The following PCSK7 variants were observed in gnomAD, a reference collection of about 807,000 sequenced individuals.
The protein encoded by PCSK7 is lymphoma proprotein convertase.
In PCSK7, 38 loss-of-function variants were observed where a neutral mutation model predicts 73.3. The observed-to-expected ratio is 0.52, with a 90% CI of 0.40 to 0.68. PCSK7 has a LOEUF of 0.68. Among genes scored for constraint, PCSK7 ranks in the 30% least tolerant of loss-of-function variants. The probability of loss-of-function intolerance (pLI) is 0.00; values close to 1 mark genes in which losing one functional copy is unlikely to be tolerated. For synonymous variants in PCSK7, 296 were observed against 383.8 expected, an observed-to-expected ratio of 0.77 and a Z score of 2.68; for missense variants, 692 against 991.5, an observed-to-expected ratio of 0.70 and a Z score of 4.06.
At chr11:117,219,779 G>A (rs375165525) in intron 9 of PCSK7, 21 bp from the exon 10 acceptor site, 2 of 1,561,250 alleles carry the variant, frequency 1.3e-6, no homozygotes, top group African/African-American at 1.4e-5. Flanking sequence ...AACAGGAAAA[G>A]GAAGTAGGTT....
rs757315784 is a variant in PCSK7 at position 117,228,194 on chromosome 11, G to C, written c.603+22C>G. On this transcript the variant is annotated intron_variant, in intron 4 of 16. Transcript: ENST00000320934. The stretch of plus-strand genomic sequence containing the variant: ...GGAGGTAAGACGTGGGGAGTGAGGG[G>C]TGTCGTTCCAGGGCCACTCACATAG... The C allele has an allele frequency of 1.9e-6, 3 of 1,610,592 alleles. No individual in the cohort carries two copies. The African/African-American group carries it at 4.0e-5, about 22-fold the overall frequency.
At chr11:117,227,382 G>T (rs1045116918) in intron 4 of PCSK7, 60 bp from the exon 5 acceptor site, 15 of 1,292,492 alleles carry the variant, frequency 1.2e-5, no homozygotes, top group Non-Finnish European at 1.7e-5. Flanking sequence ...CAGGTCCTGG[G>T]GTTCAGGGAC....
At position 117,224,114 on chromosome 11, in the gene PCSK7, C is replaced by T. The variant is rs775657882; in HGVS notation, c.1018G>A (p.Asp340Asn). The T allele has an allele frequency of 2.5e-6, 4 of 1,614,042 alleles. No individual in the cohort carries two copies. Among genetic ancestry groups the T allele is most frequent in the South Asian group, 1.1e-5 (1 of 91,082 alleles). ...GTGTAGATGGAGTTGGCGTAGCCAT[C>T]GTAGTTGCAGTTGTCGTTGTGTTGG... Reference protein sequence around the residue: ...GGQHNDNCNYDGYANSIYTVT... With the variant: ...GGQHNDNCNYNGYANSIYTVT... The change falls in exon 8 of 17, where the codon GAT (aspartate) becomes AAT (asparagine). Residue 340 changes from aspartate (D) to asparagine (N), a missense_variant. Asp to Asn is a conservative substitution (Grantham distance 23). Coordinates refer to ENST00000320934, the MANE Select transcript of PCSK7 (RefSeq NM_004716.4).
Position 117,204,476 on chromosome 11 carries a change from GCT to G in PCSK7, c.*1519_*1520del, listed in dbSNP as rs564987822. On this transcript the variant is annotated 3_prime_UTR_variant, in exon 17 of 17. Coordinates refer to ENST00000320934, the MANE Select transcript of PCSK7 (RefSeq NM_004716.4). Reference sequence around the variant, plus strand: ...CCTTCAGCCCTGGCCAAGCTTTGAGGCTCTGTCACTGAGCAATGGTAACTGCA... The same window carrying G: ...CCTTCAGCCCTGGCCAAGCTTTGAGGCTGTCACTGAGCAATGGTAACTGCA... The G allele has an allele frequency of 1.9e-4, 289 of 1,493,796 alleles. 1 individual carries two copies. In the African/African-American group the frequency reaches 3.6e-3, roughly 19 times the overall value. The allele number at this position is 1,493,796 out of a possible 1,614,324, so 92.5% of individuals were successfully genotyped here.
Position 117,205,653 on chromosome 11 carries a change from C to T in PCSK7, c.*344G>A. ...CGCTCCTGGCTATGGCAGGCACCTTCTCAACTTATATGTGGGAAGGGGTCC... is the reference window on the plus strand; with the variant it reads ...CGCTCCTGGCTATGGCAGGCACCTTTTCAACTTATATGTGGGAAGGGGTCC... On this transcript the variant is annotated 3_prime_UTR_variant, in exon 17 of 17. Transcript: ENST00000320934. The T allele has an allele frequency of 3.7e-6, 1 of 267,676 alleles. No homozygotes were observed. Among genetic ancestry groups the T allele is most frequent in the East Asian group, 5.6e-5 (1 of 17,758 alleles). 16.6% of individuals were successfully genotyped at this position (267,676 alleles called of 1,614,324 possible).
At chr11:117,212,238 T>C (rs1471865214) in intron 12 of PCSK7, 1 of 152,214 alleles carries the variant, frequency 6.6e-6, no homozygotes, top group African/African-American at 2.4e-5. Context: ...TTCGTGTTTC[T>C]AAACAGTAAG....
At chr11:117,207,443 T>C in intron 14 of PCSK7, 1 of 370,622 alleles carries the variant, frequency 2.7e-6, no homozygotes, top group Admixed American at 3.8e-5. Context: ...TTCCACCAAA[T>C]TAAAGAAAGC....
At chr11:117,210,073 G>A (rs2031652425) in intron 12 of PCSK7, 1 of 152,220 alleles carries the variant, frequency 6.6e-6, no homozygotes, top group Admixed American at 6.5e-5. Flanking sequence ...TGATACAATT[G>A]CATACAGCTA....
intron 3 of PCSK7, among the ~76,000 whole-genome samples, chr11:117,228,612 CTTTTTTTTT>C (rs751494008): frequency 1.5e-5 from 2 of 132,098 alleles, no homozygotes; most frequent in Non-Finnish European, 3.3e-5. Context: ...TGATACACTT[CTTTTTTTTT>C]TTTTTTTTTT....
Position 117,204,593 on chromosome 11 carries a change from C to A in PCSK7, c.*1404G>T. ...TTGGCCCCTCCCTCCCGGCTGCCCCCATCACCTCTACTGTCTCCTCCCTGG... is the reference window on the plus strand; with the variant it reads ...TTGGCCCCTCCCTCCCGGCTGCCCCAATCACCTCTACTGTCTCCTCCCTGG... On this transcript the variant is annotated 3_prime_UTR_variant, in exon 17 of 17. Coordinates refer to ENST00000320934, the MANE Select transcript of PCSK7 (RefSeq NM_004716.4). 1.5e-6 allele frequency: 1 copy of A among 648,638 alleles called. No individual in the cohort carries two copies. The highest frequency in any genetic ancestry group is 2.8e-6 in the Non-Finnish European group (1 of 361,440). 40.2% of individuals were successfully genotyped at this position (648,638 alleles called of 1,614,324 possible). A position where few individuals can be genotyped will look rare whatever the true frequency, so the allele number is the denominator to read the frequency against.
intron 7 of PCSK7, among the ~76,000 whole-genome samples, chr11:117,224,424 T>C (rs2032330324): frequency 6.6e-6 from 1 of 152,146 alleles, no homozygotes; most frequent in South Asian, 2.1e-4. Context: ...AGTTGAATGA[T>C]GACTGATGGA....
chr11:117,218,607 A>T lies in PCSK7; in HGVS notation c.1432-39T>A, dbSNP rs2032079884. The T allele has an allele frequency of 8.9e-7, 1 of 1,127,074 alleles. No individual in the cohort carries two copies. The highest frequency in any genetic ancestry group is 1.3e-6 in the Non-Finnish European group (1 of 757,148). 69.8% of individuals were successfully genotyped at this position (1,127,074 alleles called of 1,614,324 possible). The stretch of plus-strand genomic sequence containing the variant: ...GGAGGGGATGGCAAATCAACAAACA[A>T]GAATGATCACACCCACATTCTCACA... On this transcript the variant is annotated intron_variant, in intron 11 of 16. Coordinates refer to ENST00000320934, the MANE Select transcript of PCSK7 (RefSeq NM_004716.4). This position sits in a 1 kb window ranked among gnomAD's most constrained non-coding sequence, Gnocchi z 4.0.
chr11:117,218,400 A>C lies in PCSK7; in HGVS notation c.1534+66T>G. 1 of 837,658 alleles carries C rather than the reference A, an allele frequency of 1.2e-6. No homozygotes were observed. The highest frequency in any genetic ancestry group is 1.8e-6 in the Non-Finnish European group (1 of 541,406). 51.9% of individuals were successfully genotyped at this position (837,658 alleles called of 1,614,324 possible). A position where few individuals can be genotyped will look rare whatever the true frequency, so the allele number is the denominator to read the frequency against. On this transcript the variant is annotated intron_variant, in intron 12 of 16. Coordinates refer to ENST00000320934, the MANE Select transcript of PCSK7 (RefSeq NM_004716.4). This position sits in a 1 kb window ranked among gnomAD's most constrained non-coding sequence, Gnocchi z 4.0. ...AGAATCTGGCAGGGAGGACGAGTTT[A>C]ACTTCCTTGTCACCCGGCCCCAAAC...
Position 117,228,337 on chromosome 11 carries a change from C to A in PCSK7, c.482G>T (p.Ser161Ile), listed in dbSNP as rs145383588. Reference sequence around the variant, plus strand: ...CGTCACGTTGATGTCCCTGCCCGGGCTCCGTCGGTTATTCTGTAAGAGAGA... The same window carrying A: ...CGTCACGTTGATGTCCCTGCCCGGGATCCGTCGGTTATTCTGTAAGAGAGA... ...PQQWHLNNRRSPGRDINVTGV... is the reference protein window; with the variant it reads ...PQQWHLNNRRIPGRDINVTGV... The change falls in exon 4 of 17, where the codon AGC becomes ATC. Residue 161 changes from serine (S) to isoleucine (I), a missense_variant. Ser to Ile is a moderately radical substitution (Grantham distance 142). Coordinates refer to ENST00000320934, the MANE Select transcript of PCSK7 (RefSeq NM_004716.4). 24 of 1,613,980 alleles carry A rather than the reference C, an allele frequency of 1.5e-5. No individual in the cohort carries two copies. The African/African-American group carries it at 2.8e-4, about 19-fold the overall frequency.
chr11:117,223,349 G>T, intron 8 of PCSK7, 41 bp from the exon 9 acceptor site: 1 of 1,229,186 alleles, frequency 8.1e-7, no homozygotes, highest in Non-Finnish European at 1.2e-6. Context: ...GATGCAGAGG[G>T]GGTCCTGTGG....
At chr11:117,212,851 A>T (rs1444448879) in intron 12 of PCSK7, 2 of 152,054 alleles carry the variant, frequency 1.3e-5, no homozygotes, top group Non-Finnish European at 2.9e-5. Context: ...GTAGCTGGGA[A>T]CTGTAAGTGT....
intron 4 of PCSK7, among the ~76,000 whole-genome samples, chr11:117,227,747 A>C (rs991833909): frequency 1.3e-5 from 2 of 152,154 alleles, no homozygotes; most frequent in African/African-American, 2.4e-5. Flanking sequence ...GGACCCAATA[A>C]GCCCATTTCT....
At chr11:117,229,018 T>C (rs961323546) in intron 3 of PCSK7, among the ~76,000 whole-genome samples, 1 of 152,246 alleles carries the variant, frequency 6.6e-6, no homozygotes, top group Non-Finnish European at 1.5e-5. Flanking sequence ...CATGTATACA[T>C]TCACTTACCC....
chr11:117,229,885 A>G, intron 2 of PCSK7, 29 bp from the exon 3 acceptor site: 2 of 1,297,846 alleles, frequency 1.5e-6, no homozygotes, highest in Non-Finnish European at 2.1e-6. Flanking sequence ...GATATGGAAG[A>G]GATCAAAGAG....
Sources: gnomAD v4.1 joint callset for allele counts (sites outside exome capture counted in the v4.1 genomes callset) on GRCh38, gnomAD v4.1.1 for gene constraint, Gnocchi (gnomAD v3.1) non-coding constraint, MANE v1.5 for transcripts, NCBI Gene and HGNC (gene_info 2026-07-23, HGNC 2026-07-21) for gene names.